PICK1: variants seen among roughly 807,000 people sequenced by gnomAD.
PICK1 encodes the protein protein interacting with PRKCA 1, also known as PRKCA-binding protein.
In PICK1, 23 loss-of-function variants were observed where a neutral mutation model predicts 48.9. That is an observed-to-expected ratio of 0.47 (90% confidence interval 0.34 to 0.67). The LOEUF (loss-of-function observed/expected upper bound fraction) is 0.67, where lower values mean the gene tolerates loss of function less well. PICK1 is among the 30% of genes least tolerant of loss of function. PICK1 has a pLI of 0.01. For missense variants in PICK1, 423 were observed against 557.1 expected (o/e 0.76, Z 2.42); for synonymous variants, 217 against 228.2 (o/e 0.95, Z 0.44).
At chr22:38,072,730 CCA>C in intron 9 of PICK1, 120 bp downstream of exon 9, 1 of 1,415,628 alleles carries the variant, frequency 7.1e-7, no homozygotes, top group Non-Finnish European at 9.9e-7. Context: ...GCTCAGTCAC[CCA>C]CACAGTGGAC....
chr22:38,075,396 C>A lies in PICK1; in HGVS notation c.*264C>A. 2.0e-6 allele frequency: 1 copy of A among 505,812 alleles called. No individual in the cohort carries two copies. Among genetic ancestry groups the A allele is most frequent in the East Asian group, 3.1e-5 (1 of 31,932 alleles). The allele number at this position is 505,812 out of a possible 1,614,324, so 31.3% of individuals were successfully genotyped here. A position where few individuals can be genotyped will look rare whatever the true frequency, so the allele number is the denominator to read the frequency against. ...CAGAGGGAGAGCTTGGTCTCTGGAC[C>A]TGCCTTAGGAAGGAGAGGGAGGGCA... On this transcript the variant is annotated 3_prime_UTR_variant, in exon 13 of 13. Coordinates refer to ENST00000356976, the MANE Select transcript of PICK1 (RefSeq NM_012407.4).
intron 8 of PICK1, 148 bp downstream of exon 8, chr22:38,071,892 C>T (rs549171453): frequency 2.3e-5 from 17 of 729,030 alleles, no homozygotes; most frequent in Non-Finnish European, 3.5e-5. Context: ...TTGCGATGGG[C>T]CTGCGGGGAA....
intron 7 of PICK1, 104 bp from the exon 8 acceptor site, chr22:38,071,578 C>T: frequency 9.9e-7 from 1 of 1,006,190 alleles, no homozygotes; most frequent in Non-Finnish European, 1.6e-6. Flanking sequence ...TGTATCAGGG[C>T]CTAGCAGAGG....
At chr22:38,064,428 T>C (rs1355634986) in intron 3 of PICK1, among the ~76,000 whole-genome samples, 1 of 152,182 alleles carries the variant, frequency 6.6e-6, no homozygotes, top group Non-Finnish European at 1.5e-5. Context: ...TTGAAATGAC[T>C]GTCCTTCCCC....
At chr22:38,057,659 G>A in intron 1 of PICK1, 72 bp downstream of exon 1, 1 of 604,254 alleles carries the variant, frequency 1.7e-6, no homozygotes, top group Non-Finnish European at 2.9e-6. Flanking sequence ...GGAGGGCACT[G>A]CTGTCCCGTA....
intron 5 of PICK1, among the ~76,000 whole-genome samples, chr22:38,068,455 A>G (rs2085587712): frequency 6.6e-6 from 1 of 152,088 alleles, no homozygotes; most frequent in Admixed American, 6.5e-5. Context: ...AATCCCCTTC[A>G]TACACCCTAG....
Position 38,075,338 on chromosome 22 carries a change from C to T in PICK1, c.*206C>T, listed in dbSNP as rs2085816084. 1.8e-6 allele frequency: 1 copy of T among 566,332 alleles called. No homozygotes were observed. The highest frequency in any genetic ancestry group is 3.1e-5 in the Admixed American group (1 of 32,400). The allele number at this position is 566,332 out of a possible 1,614,324, so 35.1% of individuals were successfully genotyped here. On this transcript the variant is annotated 3_prime_UTR_variant, in exon 13 of 13. Coordinates refer to ENST00000356976, the MANE Select transcript of PICK1 (RefSeq NM_012407.4). ...ATGGCCTGGGACCTGGACACTGGCCCCTCCACCCTCCCTCCCCTCCCGGCT... is the reference window on the plus strand; with the variant it reads ...ATGGCCTGGGACCTGGACACTGGCCTCTCCACCCTCCCTCCCCTCCCGGCT...
chr22:38,071,734 G>C lies in PICK1; in HGVS notation c.546G>C (p.Gln182His). Residue 182 changes from glutamine to histidine, a missense_variant, in exon 8 of 13, where the codon CAG becomes CAC. This residue lies in a region of PICK1 where 279 missense variants were observed against 417.8 expected (regional missense o/e 0.67). Coordinates refer to ENST00000356976, the MANE Select transcript of PICK1 (RefSeq NM_012407.4). ...NLLRAFYELS[Q>H]THRAFGDVFS... ...TACGGGCCTTTTATGAGCTGTCGCAGACTCACCGGGGTAATGGCATCCCCC... is the reference window on the plus strand; with the variant it reads ...TACGGGCCTTTTATGAGCTGTCGCACACTCACCGGGGTAATGGCATCCCCC... The C allele has an allele frequency of 6.2e-7, 1 of 1,613,388 alleles. No individual in the cohort carries two copies. The highest frequency in any genetic ancestry group is 1.6e-4 in the Middle Eastern group (1 of 6,062).
In PICK1 at chr22:38,070,853, G is replaced by C; in HGVS notation, c.455G>C (p.Arg152Thr). The change falls in exon 7 of 13, where the codon AGG (arginine) becomes ACG (threonine). Residue 152 changes from arginine (R) to threonine (T), a missense_variant. Physicochemically the swap from Arg to Thr is moderately conservative, Grantham distance 71. Coordinates refer to ENST00000356976, the MANE Select transcript of PICK1 (RefSeq NM_012407.4). ...AILCNDGLVK[R>T]LEELERTAEL... is the part of the protein sequence containing the mutation. ...ATCCCGACAGATGGGCTTGTCAAGAGGCTAGAGGAGCTGGAGCGGACCGCT... is the reference window on the plus strand; with the variant it reads ...ATCCCGACAGATGGGCTTGTCAAGACGCTAGAGGAGCTGGAGCGGACCGCT... The C allele has an allele frequency of 6.2e-7, 1 of 1,614,034 alleles. No homozygotes were observed. The highest frequency in any genetic ancestry group is 8.5e-7 in the Non-Finnish European group (1 of 1,180,016).
intron 2 of PICK1, 59 bp from the exon 3 acceptor site, chr22:38,059,175 C>T (rs2085339829): frequency 7.7e-7 from 1 of 1,292,248 alleles, no homozygotes; most frequent in Admixed American, 2.0e-5. Flanking sequence ...TTTAGAGGGC[C>T]CACCCGCTCC....
Position 38,075,543 on chromosome 22 carries a change from A to G in PICK1, c.*411A>G, listed in dbSNP as rs1037548577. The G allele has an allele frequency of 6.2e-5, 12 of 192,828 alleles. No individual in the cohort carries two copies. Among genetic ancestry groups the G allele is most frequent in the East Asian group, 5.9e-4 (5 of 8,504 alleles). 11.9% of individuals were successfully genotyped at this position (192,828 alleles called of 1,614,324 possible). A position where few individuals can be genotyped will look rare whatever the true frequency, so the allele number is the denominator to read the frequency against. ...CCGTGGACAGCTGAGGTTGGGGTCA[A>G]TGCCTCCTGGGCACCCTTGCCTCGC... On this transcript the variant is annotated 3_prime_UTR_variant, in exon 13 of 13. Coordinates refer to ENST00000356976, the MANE Select transcript of PICK1 (RefSeq NM_012407.4).
chr22:38,064,490 G>A (rs181718858), intron 3 of PICK1, among the ~76,000 whole-genome samples: 81 of 152,238 alleles, frequency 5.3e-4, no homozygotes, highest in African/African-American at 1.9e-3. Flanking sequence ...CGCCGGGCAC[G>A]GTGGCTCACA....
intron 6 of PICK1, among the ~76,000 whole-genome samples, chr22:38,070,113 A>G (rs951524586): frequency 1.3e-5 from 2 of 151,538 alleles, no homozygotes; most frequent in Non-Finnish European, 1.5e-5. Context: ...TCGCACTGCC[A>G]CCTCCCTGCC....
chr22:38,067,947 G>A (rs544335122), intron 5 of PICK1, 177 bp downstream of exon 5: 35 of 697,258 alleles, frequency 5.0e-5, no homozygotes, highest in South Asian at 4.1e-4. Flanking sequence ...GAGGCCTCCC[G>A]GTGCTCTCCC....
chr22:38,069,986 T>C (rs2085636488), intron 6 of PICK1, among the ~76,000 whole-genome samples: 1 of 152,162 alleles, frequency 6.6e-6, no homozygotes, highest in Non-Finnish European at 1.5e-5. Context: ...CTTACATGGC[T>C]CCTTTCCTGC....
intron 2 of PICK1, 39 bp downstream of exon 2, chr22:38,057,889 G>T: frequency 6.5e-7 from 1 of 1,533,980 alleles, no homozygotes; most frequent in Non-Finnish European, 9.0e-7. Flanking sequence ...CAGTATAGGA[G>T]CCCCAAGTTC....
chr22:38,067,509 A>G (rs1379319155), intron 4 of PICK1, 195 bp from the exon 5 acceptor site: 3 of 583,206 alleles, frequency 5.1e-6, no homozygotes, highest in African/African-American at 3.7e-5. Context: ...GGGTTTTGCC[A>G]TGTTGCCCAA....
rs984446480 is a variant in PICK1 at position 38,074,547 on chromosome 22, G to A, written c.979+96G>A. 2 of 1,505,568 alleles carry A rather than the reference G, an allele frequency of 1.3e-6. No individual in the cohort carries two copies. The highest frequency in any genetic ancestry group is 2.8e-5 in the African/African-American group (2 of 72,486). The allele number at this position is 1,505,568 out of a possible 1,614,324, so 93.3% of individuals were successfully genotyped here. ...CTCAGGGCCAGGCCACGGCCCAGAT[G>A]TAAAGCCCCTCCAGGAGCCCAGCCA... On this transcript the variant is annotated intron_variant, in intron 12 of 12. Coordinates refer to ENST00000356976, the MANE Select transcript of PICK1 (RefSeq NM_012407.4). This position sits in a 1 kb window ranked among gnomAD's most constrained non-coding sequence, Gnocchi z 4.5.
Position 38,074,980 on chromosome 22 carries a change from C to A in PICK1, c.1096C>A (p.His366Asn). The part of the protein sequence containing the change: ...DVFPIEVDLA[H>N]TTLAYGLNQE... ...CTTCCCCATCGAGGTAGACCTGGCGCACACCACATTGGCCTATGGCCTCAA... is the reference window on the plus strand; with the variant it reads ...CTTCCCCATCGAGGTAGACCTGGCGAACACCACATTGGCCTATGGCCTCAA... The change falls in exon 13 of 13, where the codon CAC becomes AAC. Residue 366 changes from histidine (H) to asparagine (N), a missense_variant. Around this residue, in one of 2 missense-constraint regions of PICK1, gnomAD observed 144 missense variants for 139.3 expected, o/e 1.03. Coordinates refer to ENST00000356976, the MANE Select transcript of PICK1 (RefSeq NM_012407.4). The surrounding 1 kb of genome is among the most constrained non-coding windows in gnomAD (Gnocchi z 4.5). 1 of 1,613,752 alleles carries A rather than the reference C, an allele frequency of 6.2e-7. No homozygotes were observed. The highest frequency in any genetic ancestry group is 1.7e-4 in the Middle Eastern group (1 of 6,060).
Sources: gnomAD v4.1 joint callset for allele counts (sites outside exome capture counted in the v4.1 genomes callset) on GRCh38, gnomAD v4.1.1 for gene constraint, gnomAD v4.1.1 regional missense constraint, Gnocchi (gnomAD v3.1) non-coding constraint, MANE v1.5 for transcripts, NCBI Gene and HGNC (gene_info 2026-07-23, HGNC 2026-07-21) for gene names.